The following RGS6 variants were observed in gnomAD, a reference collection of about 807,000 sequenced individuals.
The protein encoded by RGS6 is regulator of G protein signaling 6.
RGS6 carries 30 observed loss-of-function variants against 78.5 expected under a neutral mutation model. That is an observed-to-expected ratio of 0.38 (90% CI 0.29 to 0.52). The LOEUF is 0.52. Among genes scored for constraint, RGS6 ranks in the 20% least tolerant of loss-of-function variants. The probability of loss-of-function intolerance (pLI) is 0.85; values close to 1 mark genes in which losing one functional copy is unlikely to be tolerated. For missense variants in RGS6, 495 were observed against 609.7 expected, an observed-to-expected ratio of 0.81 and a Z score of 1.98; for synonymous variants, 206 against 206.0, an observed-to-expected ratio of 1.00 and a Z score of 0.00.
Position 72,184,980 on chromosome 14 carries a change from C to T in RGS6, c.85-167115C>T, listed in dbSNP as rs750095826. 2.1e-4 allele frequency among the ~76,000 whole-genome samples: 32 copies of T among 152,240 alleles called. 1 individual carries two copies. Among genetic ancestry groups the T allele is most frequent in the South Asian group, 1.2e-3 (6 of 4,812 alleles). On this transcript the variant is annotated intron_variant, in intron 2 of 17. Coordinates refer to ENST00000553525, the MANE Select transcript of RGS6 (RefSeq NM_001204424.2). Reference sequence around the variant, plus strand: ...AAGCTGAGGAGCAAGGAAGCCAGTCCGAGTCCCAAAACCTCAAAAGTAGGG... The same window carrying T: ...AAGCTGAGGAGCAAGGAAGCCAGTCTGAGTCCCAAAACCTCAAAAGTAGGG...
chr14:72,373,618 C>T (rs1049974387), intron 3 of RGS6, among the ~76,000 whole-genome samples: 7 of 151,918 alleles, frequency 4.6e-5, no homozygotes, highest in Non-Finnish European at 1.0e-4. Context: ...AAGAGCAATA[C>T]GATTATTAGA....
the RGS6 span, among the ~76,000 whole-genome samples, chr14:71,874,198 T>C: frequency 2.6e-5 from 4 of 152,092 alleles, no homozygotes; most frequent in Admixed American, 2.6e-4. Context: ...GGTAGCTTGA[T>C]GGGGATGGCA....
chr14:72,603,085 T>A, the RGS6 span, among the ~76,000 whole-genome samples: 1 of 152,236 alleles, frequency 6.6e-6, no homozygotes, highest in African/African-American at 2.4e-5. Flanking sequence ...CTAAATCTAA[T>A]AATGTATTTT....
At chr14:71,932,222 C>T (rs1046876547), upstream of RGS6, among the ~76,000 whole-genome samples, 1 of 152,106 alleles carries the variant, frequency 6.6e-6, no homozygotes, top group Admixed American at 6.5e-5. Flanking sequence ...CCTTCCGCGG[C>T]TCTGGGAACA....
intron 1 of RGS6, among the ~76,000 whole-genome samples, chr14:71,937,299 C>G (rs2089629081): frequency 6.6e-6 from 1 of 152,134 alleles, no homozygotes; most frequent in South Asian, 2.1e-4. Context: ...ACTAAGATCT[C>G]TAGGCCAGCA....
chr14:72,519,810 G>C (rs72726170), intron 15 of RGS6, among the ~76,000 whole-genome samples: 19,096 of 152,146 alleles, frequency 0.13, 1,628 homozygotes, highest in Middle Eastern at 0.22. Context: ...GTTCCGTGGG[G>C]GTTCCCTGCA....
At chr14:72,430,210 A>G (rs1461366769) in intron 3 of RGS6, among the ~76,000 whole-genome samples, 1 of 152,184 alleles carries the variant, frequency 6.6e-6, no homozygotes, top group African/African-American at 2.4e-5. Flanking sequence ...ATTCTTTAAA[A>G]TAACCTTTCC....
At chr14:72,076,927 C>A (rs1437281768) in intron 2 of RGS6, among the ~76,000 whole-genome samples, 1 of 147,526 alleles carries the variant, frequency 6.8e-6, no homozygotes, top group Non-Finnish European at 1.5e-5. Flanking sequence ...TATAAATAGC[C>A]AAATTATACA....
intron 2 of RGS6, among the ~76,000 whole-genome samples, chr14:72,066,124 A>G (rs1219308441): frequency 6.6e-6 from 1 of 152,206 alleles, no homozygotes; most frequent in African/African-American, 2.4e-5. Context: ...AATATCTTCT[A>G]TAAAATATGC....
At chr14:72,183,239 A>G (rs1380298274) in intron 2 of RGS6, among the ~76,000 whole-genome samples, 1 of 152,228 alleles carries the variant, frequency 6.6e-6, no homozygotes, top group African/African-American at 2.4e-5. Flanking sequence ...CTGCTGGGAA[A>G]AAGACCATCT....
intron 2 of RGS6, among the ~76,000 whole-genome samples, chr14:72,303,765 G>A (rs2066619153): frequency 6.6e-6 from 1 of 152,104 alleles, no homozygotes; most frequent in South Asian, 2.1e-4. Context: ...CTCTATGCAT[G>A]ATGCAAACAT....
chr14:72,103,579 A>T (rs2095569964), intron 2 of RGS6, among the ~76,000 whole-genome samples: 1 of 152,244 alleles, frequency 6.6e-6, no homozygotes, highest in South Asian at 2.1e-4. Context: ...ACATAATGGC[A>T]GGAAAGAAAA....
At chr14:72,268,254 C>T (rs191855675) in intron 2 of RGS6, among the ~76,000 whole-genome samples, 29 of 152,160 alleles carry the variant, frequency 1.9e-4, no homozygotes, top group Non-Finnish European at 3.4e-4. Flanking sequence ...TTTCGTTAAC[C>T]GAAGAACAAG....
rs183671680 is a variant in RGS6, at chr14:72,052,383, C to A, written c.84+87508C>A. On this transcript the variant is annotated intron_variant, in intron 2 of 17. Coordinates refer to ENST00000553525, the MANE Select transcript of RGS6 (RefSeq NM_001204424.2). The stretch of plus-strand genomic sequence containing the variant: ...TAGCAGGTCCTTACTCTCATCCCCC[C>A]TCCCACTTTTCATAATGTACTGATT... Among the ~76,000 whole-genome samples the A allele has an allele frequency of 3.2e-4, 48 of 152,292 alleles. No individual in the cohort carries two copies. The East Asian group carries it at 5.2e-3, about 17-fold the overall frequency.
chr14:72,488,522 A>G (rs12891926), intron 12 of RGS6, among the ~76,000 whole-genome samples: 72,905 of 152,104 alleles, frequency 0.48, 17,881 homozygotes, highest in East Asian at 0.8. Flanking sequence ...ATTTTTCTTA[A>G]AGAGATCTGG....
chr14:72,426,698 A>C (rs2094446946), intron 3 of RGS6, among the ~76,000 whole-genome samples: 1 of 152,320 alleles, frequency 6.6e-6, no homozygotes, highest in Admixed American at 6.5e-5. Flanking sequence ...TCATATTCCT[A>C]AAGTTTTATG....
chr14:72,286,555 T>G (rs2062596877), intron 2 of RGS6, among the ~76,000 whole-genome samples: 1 of 152,038 alleles, frequency 6.6e-6, no homozygotes, highest in African/African-American at 2.4e-5. Context: ...AAAATGCCCT[T>G]GGGATTTTGA....
At chr14:71,908,165 A>G in the RGS6 span, 4 of 152,230 alleles carry the variant, frequency 2.6e-5, no homozygotes, top group African/African-American at 9.6e-5. Flanking sequence ...CTTTTTCCAG[A>G]TAATTGACAA....
At chr14:72,406,062 G>A (rs1259236378) in intron 3 of RGS6, among the ~76,000 whole-genome samples, 2 of 152,186 alleles carry the variant, frequency 1.3e-5, no homozygotes, top group Non-Finnish European at 2.9e-5. Flanking sequence ...AAATTATCCA[G>A]TCACCTGGAG....
Sources: gnomAD v4.1 joint callset for allele counts (sites outside exome capture counted in the v4.1 genomes callset) on GRCh38, gnomAD v4.1.1 for gene constraint, MANE v1.5 for transcripts, NCBI Gene and HGNC (gene_info 2026-07-23, HGNC 2026-07-21) for gene names.